Variants in DIDO1 observed in about 807,000 individuals in gnomAD.
DIDO1 encodes the protein death-inducer obliterator 1.
In DIDO1, 16 loss-of-function variants were observed where a neutral mutation model predicts 99.4. The observed-to-expected ratio is 0.16, with a 90% CI of 0.11 to 0.24. The LOEUF is 0.24. Ranked by LOEUF, DIDO1 falls within the 10% of genes least tolerant of loss-of-function variation. DIDO1 has a pLI of 1.00. For synonymous variants in DIDO1, 1,366 were observed against 1,239.1 expected (o/e 1.10, Z -2.15); for missense variants, 2,996 against 3,014.0 (o/e 0.99, Z 0.14).
At chr20:62,925,590 T>C (rs959662796) in intron 1 of DIDO1, among the ~76,000 whole-genome samples, 1 of 152,220 alleles carries the variant, frequency 6.6e-6, no homozygotes, top group Non-Finnish European at 1.5e-5. Context: ...AAGCTACTGC[T>C]ACCTGTGGCC....
In DIDO1 at chr20:62,894,976, T is replaced by C; in HGVS notation, c.2332-62A>G. ...TTTTCTAGGAGGAAAGCATCGCTTA[T>C]GCAGCCGTCTATGAATTTATTTCTA... On this transcript the variant is annotated intron_variant, in intron 9 of 15. Transcript: ENST00000395343. This position sits in a 1 kb window ranked among gnomAD's most constrained non-coding sequence, Gnocchi z 4.4. 1 of 1,599,690 alleles carries C rather than the reference T, an allele frequency of 6.3e-7. No homozygotes were observed. Among genetic ancestry groups the C allele is most frequent in the Non-Finnish European group, 8.6e-7 (1 of 1,168,260 alleles).
upstream of DIDO1, among the ~76,000 whole-genome samples, chr20:62,929,692 A>AAAAAAAAAAAAAAAAATATAT: frequency 1.6e-5 from 1 of 63,710 alleles, no homozygotes; most frequent in African/African-American, 7.6e-5. Flanking sequence ...AAAAAGAAAA[A>AAAAAAAAAAAAAAAAATATAT]GTGTATATAT....
At chr20:62,907,935 T>C (rs1030622585) in intron 4 of DIDO1, among the ~76,000 whole-genome samples, 1 of 152,150 alleles carries the variant, frequency 6.6e-6, no homozygotes, top group Non-Finnish European at 1.5e-5. Flanking sequence ...AGATAAACAA[T>C]GAGTAATTTT....
Position 62,894,266 on chromosome 20 carries a change from G to A in DIDO1, c.2573-72C>T, listed in dbSNP as rs2064466329. 6.3e-7 allele frequency: 1 copy of A among 1,581,308 alleles called. No homozygotes were observed. The highest frequency in any genetic ancestry group is 8.6e-7 in the Non-Finnish European group (1 of 1,162,262). On this transcript the variant is annotated intron_variant, in intron 11 of 15. Coordinates refer to ENST00000395343, the MANE Select transcript of DIDO1 (RefSeq NM_001193369.2). This position sits in a 1 kb window ranked among gnomAD's most constrained non-coding sequence, Gnocchi z 4.4. ...TGGTGTTTCTCACACAAAGCCGAAA[G>A]CAATACTCTAAAGGCAGGGCAGGAA...
intron 5 of DIDO1, among the ~76,000 whole-genome samples, chr20:62,906,878 A>G (rs1285803603): frequency 6.6e-6 from 1 of 152,176 alleles, no homozygotes; most frequent in Non-Finnish European, 1.5e-5. Flanking sequence ...TCTTCTCACA[A>G]GACAGCAGGG....
chr20:62,926,879 C>T (rs2065266327), upstream of DIDO1, among the ~76,000 whole-genome samples: 1 of 152,144 alleles, frequency 6.6e-6, no homozygotes, highest in South Asian at 2.1e-4. Flanking sequence ...ATAGAAAGCT[C>T]CTGGGCTAAA....
chr20:62,925,693 G>A (rs901099096), intron 1 of DIDO1, among the ~76,000 whole-genome samples: 2 of 152,210 alleles, frequency 1.3e-5, no homozygotes, highest in Admixed American at 6.5e-5. Flanking sequence ...AGGAGCCCCG[G>A]ACGCCGCAGC....
intron 6 of DIDO1, among the ~76,000 whole-genome samples, chr20:62,904,458 C>T (rs2064754279): frequency 6.6e-6 from 1 of 152,114 alleles, no homozygotes; most frequent in South Asian, 2.1e-4. Flanking sequence ...TATTTTTCTT[C>T]TTTTATGAAG....
chr20:62,922,166 C>T (rs2065162180), intron 1 of DIDO1, among the ~76,000 whole-genome samples: 1 of 148,934 alleles, frequency 6.7e-6, no homozygotes, highest in Admixed American at 6.7e-5. Context: ...AAACAATGCC[C>T]GGCTCTTTTA....
chr20:62,890,627 G>A lies in DIDO1; in HGVS notation c.3541+333C>T, dbSNP rs149185852. 6.0e-4 allele frequency: 714 copies of A among 1,189,668 alleles called. 3 individuals are homozygous for A. In the African/African-American group the frequency reaches 0.01, roughly 17 times the overall value. The allele number at this position is 1,189,668 out of a possible 1,614,324, so 73.7% of individuals were successfully genotyped here. A position where few individuals can be genotyped will look rare whatever the true frequency, so the allele number is the denominator to read the frequency against. The stretch of plus-strand genomic sequence containing the variant: ...TCTGTCTAGAGGAAAGAGCAGGGCC[G>A]CTGGGAGTGTCACCTCCCTTTCTGG... On this transcript the variant is annotated intron_variant, in intron 15 of 15. Coordinates refer to ENST00000395343, the MANE Select transcript of DIDO1 (RefSeq NM_001193369.2).
rs1479853355 is a variant in DIDO1 at position 62,926,451 on chromosome 20, G to C, written c.-212C>G. ...ACTTACCGCAGGCCGCAGGCCTCTA[G>C]GGTCTCGCAGCCATTTCCCCGAACG... On this transcript the variant is annotated 5_prime_UTR_variant, in exon 1 of 16. Transcript: ENST00000395343. The C allele has an allele frequency of 6.6e-6, 1 of 152,030 alleles. No individual in the cohort carries two copies. The highest frequency in any genetic ancestry group is 6.5e-5 in the Admixed American group (1 of 15,268). The allele number at this position is 152,030 out of a possible 1,614,324, so 9.4% of individuals were successfully genotyped here. A position where few individuals can be genotyped will look rare whatever the true frequency, so the allele number is the denominator to read the frequency against.
rs1476019368 is a variant in DIDO1 at position 62,909,851 on chromosome 20, CCTG to C, written c.1006_1008del (p.Gln336del). The stretch of plus-strand genomic sequence containing the variant: ...GCATCTCCAGGTCTCCATTTAGCTT[CCTG>C]CTGATCTGCCGTTTCTGAATGAGTC... On this transcript the variant is annotated inframe_deletion, in exon 4 of 16. Coordinates refer to ENST00000395343, the MANE Select transcript of DIDO1 (RefSeq NM_001193369.2). 8.1e-6 allele frequency: 13 copies of C among 1,614,244 alleles called. No homozygotes were observed. In the South Asian group the frequency reaches 1.3e-4, roughly 16 times the overall value.
intron 6 of DIDO1, among the ~76,000 whole-genome samples, chr20:62,899,037 G>C (rs2064600807): frequency 6.6e-6 from 1 of 152,138 alleles, no homozygotes; most frequent in African/African-American, 2.4e-5. Context: ...CAGCGAGGGG[G>C]TGGGGTGAGG....
chr20:62,891,598 C>T (rs1440931783), intron 14 of DIDO1, among the ~76,000 whole-genome samples: 1 of 152,066 alleles, frequency 6.6e-6, no homozygotes, highest in African/African-American at 2.4e-5. Flanking sequence ...GCCTGATCAC[C>T]CCTGCAAAAG....
At chr20:62,905,606 G>A in intron 6 of DIDO1, 1 of 1,551,918 alleles carries the variant, frequency 6.4e-7, no homozygotes, top group South Asian at 1.2e-5. Flanking sequence ...CAGAGCCTGA[G>A]AGTGAAAACA....
intron 4 of DIDO1, among the ~76,000 whole-genome samples, chr20:62,908,698 C>T (rs760825940): frequency 1.3e-5 from 2 of 151,910 alleles, no homozygotes; most frequent in Non-Finnish European, 2.9e-5. Flanking sequence ...AGCACAATGA[C>T]AATTAAAAAA....
chr20:62,916,636 T>C (rs569304240), intron 1 of DIDO1, among the ~76,000 whole-genome samples: 2 of 152,318 alleles, frequency 1.3e-5, no homozygotes, highest in South Asian at 4.1e-4. Flanking sequence ...TTTGCAAATT[T>C]CTGGCATAAC....
At chr20:62,920,342 T>C (rs1048545315) in intron 1 of DIDO1, among the ~76,000 whole-genome samples, 2 of 152,202 alleles carry the variant, frequency 1.3e-5, no homozygotes, top group Admixed American at 6.5e-5. Flanking sequence ...CATAATTCCA[T>C]GGCCCCAAGC....
At chr20:62,890,362 A>G (rs1270931704) in intron 15 of DIDO1, 2 of 986,568 alleles carry the variant, frequency 2.0e-6, no homozygotes, top group Non-Finnish European at 2.4e-6. Context: ...CCCTTGACAA[A>G]GATGTATTTT....
Sources: gnomAD v4.1 joint callset for allele counts (sites outside exome capture counted in the v4.1 genomes callset) on GRCh38, gnomAD v4.1.1 for gene constraint, Gnocchi (gnomAD v3.1) non-coding constraint, MANE v1.5 for transcripts, NCBI Gene and HGNC (gene_info 2026-07-23, HGNC 2026-07-21) for gene names.